Variants in STARD9 observed in about 807,000 individuals in gnomAD.
STARD9 encodes the protein stAR-related lipid transfer protein 9.
A neutral mutation model predicts 399.8 loss-of-function variants in STARD9; 346 were observed. The ratio of observed to expected loss-of-function variants is 0.87; its 90% confidence interval spans 0.79 to 0.95. The LOEUF (loss-of-function observed/expected upper bound fraction) is 0.95. Ranked by LOEUF, STARD9 falls within the 40% of genes least tolerant of loss-of-function variation. STARD9 has a pLI of 0.00. For missense variants in STARD9, 5,832 were observed against 5,667.5 expected (o/e 1.03, Z -0.93); for synonymous variants, 2,203 against 2,143.5 (o/e 1.03, Z -0.77).
intron 16 of STARD9, chr15:42,671,973 A>G (rs900026862): frequency 3.9e-5 from 6 of 152,260 alleles, no homozygotes; most frequent in Non-Finnish European, 7.3e-5. Flanking sequence ...TAGTCAGTGC[A>G]TAGTGAGGAT....
At chr15:42,695,382 C>G in intron 25 of STARD9, 59 bp downstream of exon 25, 1 of 1,422,158 alleles carries the variant, frequency 7.0e-7, no homozygotes, top group Non-Finnish European at 9.3e-7. Flanking sequence ...ACTGGTACAC[C>G]TTCACCGTGG....
At chr15:42,615,013 A>ATTT (rs111730580) in intron 3 of STARD9, among the ~76,000 whole-genome samples, 163 of 135,970 alleles carry the variant, frequency 1.2e-3, no homozygotes, top group East Asian at 3.5e-3. Context: ...ATAGTCAAGG[A>ATTT]TTTTTTTTTT....
chr15:42,581,234 T>C lies in STARD9; in HGVS notation c.48-2112T>C. 5.0e-6 allele frequency: 4 copies of C among 800,264 alleles called. No individual in the cohort carries two copies. The Admixed American group carries it at 6.8e-5, about 14-fold the overall frequency. The allele number at this position is 800,264 out of a possible 1,614,324, so 49.6% of individuals were successfully genotyped here. On this transcript the variant is annotated intron_variant, in intron 1 of 32. Transcript: ENST00000290607. ...CTACTTGTGGAGTCTTCAGTTAAGG[T>C]GCCAGGGCTAGTGACTCCCGGGATA...
At chr15:42,607,685 C>CACACACAA (rs1337784119) in intron 3 of STARD9, among the ~76,000 whole-genome samples, 60 of 149,714 alleles carry the variant, frequency 4.0e-4, no homozygotes, top group African/African-American at 1.4e-3. Context: ...CACACACACA[C>CACACACAA]AAATATATAT....
chr15:42,665,988 C>G, intron 15 of STARD9, 140 bp downstream of exon 15: 1 of 727,310 alleles, frequency 1.4e-6, no homozygotes, highest in Non-Finnish European at 2.3e-6. Context: ...TCCTTTAAGC[C>G]TTGACCGGGG....
chr15:42,684,584 T>C lies in STARD9; in HGVS notation c.3006T>C (p.Ala1002=). 1.3e-6 allele frequency: 2 copies of C among 1,537,216 alleles called. No homozygotes were observed. Among genetic ancestry groups the C allele is most frequent in the South Asian group, 2.4e-5 (2 of 84,060 alleles). ...KEGNLGTHKA[A]KGASCNSLYP... The stretch of plus-strand genomic sequence containing the variant: ...GGAACCTTGGGACCCACAAGGCTGC[T>C]AAGGGAGCCAGTTGCAATTCCTTGT... Residue 1002 remains alanine (A), a synonymous_variant, in exon 23 of 33, where the codon GCT becomes GCC. Transcript: ENST00000290607.
At position 42,694,539 on chromosome 15, in the gene STARD9, C is replaced by T. The variant is rs1352694849; in HGVS notation, c.12776C>T (p.Ala4259Val). 1 of 1,537,042 alleles carries T rather than the reference C, an allele frequency of 6.5e-7. No homozygotes were observed. The highest frequency in any genetic ancestry group is 8.7e-7 in the Non-Finnish European group (1 of 1,146,906). The change falls in exon 24 of 33, where the codon GCC (alanine) becomes GTC (valine). Residue 4259 changes from alanine (A) to valine (V), a missense_variant. This residue lies in a region of STARD9 where 5,828 missense variants were observed against 5,651.1 expected (regional missense o/e 1.03). Coordinates refer to ENST00000290607, the MANE Select transcript of STARD9 (RefSeq NM_020759.3). ...WKELYARQKK[A>V]IETLRRERAE... The stretch of plus-strand genomic sequence containing the variant: ...GTGTTTTGCCTCAGGCAAAAAAAGG[C>T]CATTGAGACCCTCAGGAGAGAGCGG...
In STARD9 at chr15:42,718,019, G is replaced by GT; in HGVS notation, c.13606dup (p.Ser4536PhefsTer26). The stretch of plus-strand genomic sequence containing the variant: ...AGGCGGTGCAGCTTTACTACAAGGT[G>GT]TTTTCTCCCACTCGGCATGGCTTCC... On this transcript the variant is annotated frameshift_variant, in exon 30 of 33. Transcript: ENST00000290607. LOFTEE classifies it high-confidence loss of function. 6.5e-7 allele frequency: 1 copy of GT among 1,537,242 alleles called. No homozygotes were observed. The highest frequency in any genetic ancestry group is 8.7e-7 in the Non-Finnish European group (1 of 1,146,922).
At chr15:42,634,423 CT>C (rs1316567898) in intron 3 of STARD9, among the ~76,000 whole-genome samples, 2 of 152,190 alleles carry the variant, frequency 1.3e-5, no homozygotes, top group African/African-American at 2.4e-5. Flanking sequence ...AACTTCTGGT[CT>C]TACTGATCTT....
Position 42,689,136 on chromosome 15 carries a change from G to A in STARD9, c.7558G>A (p.Gly2520Ser), listed in dbSNP as rs1018958526. The A allele has an allele frequency of 2.1e-5, 32 of 1,537,158 alleles. No individual in the cohort carries two copies. Among genetic ancestry groups the A allele is most frequent in the Middle Eastern group, 1.7e-4 (1 of 6,012 alleles). The stretch of plus-strand genomic sequence containing the variant: ...GACTGAGGACGTCGGACTGACCAGC[G>A]GTGTTTCCTTAGCACCTGTTTCCCT... ...KETEDVGLTS[G>S]VSLAPVSLPR... Residue 2520 changes from glycine (G) to serine (S), a missense_variant, in exon 23 of 33, where the codon GGT (glycine) becomes AGT (serine). Gly to Ser is a moderately conservative substitution (Grantham distance 56). This residue lies in a region of STARD9 where 5,828 missense variants were observed against 5,651.1 expected (regional missense o/e 1.03). Coordinates refer to ENST00000290607, the MANE Select transcript of STARD9 (RefSeq NM_020759.3).
chr15:42,701,787 G>A (rs2060969480), intron 26 of STARD9, among the ~76,000 whole-genome samples: 1 of 152,000 alleles, frequency 6.6e-6, no homozygotes, highest in African/African-American at 2.4e-5. Flanking sequence ...AAAGTCAGGA[G>A]TTCGAGACCA....
chr15:42,687,857 G>C lies in STARD9; in HGVS notation c.6279G>C (p.Glu2093Asp). The C allele has an allele frequency of 6.5e-7, 1 of 1,537,294 alleles. No individual in the cohort carries two copies. The highest frequency in any genetic ancestry group is 8.7e-7 in the Non-Finnish European group (1 of 1,146,974). The part of the protein sequence containing the change: ...ELVFQDQKEQ[E>D]KTDHAFRPDS... ...TGTTCCAGGACCAGAAGGAGCAGGA[G>C]AAGACTGACCATGCCTTTAGGCCAG... is the stretch of plus-strand genomic sequence containing the variant. Residue 2093 changes from glutamate (E) to aspartate (D), a missense_variant, in exon 23 of 33, where the codon GAG (glutamate) becomes GAC (aspartate). Coordinates refer to ENST00000290607, the MANE Select transcript of STARD9 (RefSeq NM_020759.3).
chr15:42,617,224 AGT>A (rs1370582436), intron 3 of STARD9, among the ~76,000 whole-genome samples: 2 of 152,224 alleles, frequency 1.3e-5, no homozygotes, highest in African/African-American at 2.4e-5. Context: ...ATTTTATTAG[AGT>A]GTCTGATTAG....
At chr15:42,645,218 A>T (rs941563748) in intron 7 of STARD9, among the ~76,000 whole-genome samples, 2 of 152,226 alleles carry the variant, frequency 1.3e-5, no homozygotes, top group African/African-American at 4.8e-5. Flanking sequence ...GACTTTGCCC[A>T]GATCCATCAG....
At chr15:42,587,790 C>T (rs561493911) in intron 3 of STARD9, among the ~76,000 whole-genome samples, 1 of 152,092 alleles carries the variant, frequency 6.6e-6, no homozygotes, top group South Asian at 2.1e-4. Context: ...ATCTCGAACT[C>T]CCGACCTCAG....
chr15:42,623,445 T>C (rs2059132282), intron 3 of STARD9, among the ~76,000 whole-genome samples: 1 of 152,206 alleles, frequency 6.6e-6, no homozygotes, highest in East Asian at 1.9e-4. Context: ...AAGTTTGTTG[T>C]GGACTGAAGA....
intron 26 of STARD9, among the ~76,000 whole-genome samples, chr15:42,697,871 T>C (rs897011705): frequency 2.0e-5 from 3 of 152,114 alleles, no homozygotes; most frequent in Non-Finnish European, 2.9e-5. Context: ...ACTCAACCTG[T>C]AAAAGGGATA....
In STARD9 at chr15:42,687,013, C is replaced by G. The variant is rs2060575845; in HGVS notation, c.5435C>G (p.Ser1812Cys). ...AACCAGAATTCTAAGATTGCCTCAT[C>G]TCAGCAGGTCACAGCTGAGATACCA... ...LQNQNSKIAS[S>C]QQVTAEIPVD... The change falls in exon 23 of 33, where the codon TCT becomes TGT. Residue 1812 changes from serine to cysteine, a missense_variant. Physicochemically the swap from Ser to Cys is moderately radical, Grantham distance 112 (BLOSUM62 -1). Transcript: ENST00000290607. 6.5e-7 allele frequency: 1 copy of G among 1,537,082 alleles called. No homozygotes were observed. Among genetic ancestry groups the G allele is most frequent in the African/African-American group, 1.4e-5 (1 of 73,170 alleles).
At chr15:42,666,985 C>G (rs1053234155) in intron 15 of STARD9, among the ~76,000 whole-genome samples, 1 of 151,322 alleles carries the variant, frequency 6.6e-6, no homozygotes, top group Admixed American at 6.6e-5. Context: ...TGCCTAATTT[C>G]TGCGTTTTTA....
Sources: gnomAD v4.1 joint callset for allele counts (sites outside exome capture counted in the v4.1 genomes callset) on GRCh38, gnomAD v4.1.1 for gene constraint, gnomAD v4.1.1 regional missense constraint, MANE v1.5 for transcripts, NCBI Gene and HGNC (gene_info 2026-07-23, HGNC 2026-07-21) for gene names.